The following DOCK3 variants were observed in gnomAD, a reference collection of about 807,000 sequenced individuals.
The protein encoded by DOCK3 is dedicator of cytokinesis protein 3.
Under a neutral mutation model 265.6 loss-of-function variants are expected in DOCK3, and 60 were observed. The observed-to-expected ratio is 0.23, with a 90% CI of 0.18 to 0.28. The LOEUF (loss-of-function observed/expected upper bound fraction) is 0.28. Ranked by LOEUF, DOCK3 falls within the 10% of genes least tolerant of loss-of-function variation. DOCK3 has a pLI of 1.00. For synonymous variants in DOCK3, 881 were observed against 938.0 expected (o/e 0.94, Z 1.11); for missense variants, 1,981 against 2,594.3 (o/e 0.76, Z 5.14).
At chr3:51,027,583 T>C (rs538374006) in intron 5 of DOCK3, among the ~76,000 whole-genome samples, 1 of 152,294 alleles carries the variant, frequency 6.6e-6, no homozygotes, top group South Asian at 2.1e-4. Context: ...GCTGTTTTCT[T>C]AGGTCTAGTT....
At chr3:50,815,782 C>T (rs1043942443) in intron 2 of DOCK3, among the ~76,000 whole-genome samples, 5 of 152,180 alleles carry the variant, frequency 3.3e-5, no homozygotes, top group African/African-American at 1.2e-4. Context: ...GATTTACTTA[C>T]AGATCTCTTT....
At chr3:51,017,446 C>G (rs555424550) in intron 5 of DOCK3, among the ~76,000 whole-genome samples, 1 of 151,292 alleles carries the variant, frequency 6.6e-6, no homozygotes, top group African/African-American at 2.4e-5. Context: ...TAAGATGTAT[C>G]ATTGGGTTGT....
chr3:51,007,451 A>G (rs1319585110), intron 5 of DOCK3, among the ~76,000 whole-genome samples: 3 of 152,012 alleles, frequency 2.0e-5, no homozygotes, highest in Non-Finnish European at 4.4e-5. Context: ...CATATCCTTC[A>G]CCCACTTTTT....
In DOCK3 at chr3:50,980,139, G is replaced by A. The variant is rs563824327; in HGVS notation, c.315+46062G>A. Among the ~76,000 whole-genome samples the A allele has an allele frequency of 9.4e-4, 143 of 152,186 alleles. 1 individual carries two copies. Among genetic ancestry groups the A allele is most frequent in the African/African-American group, 3.0e-3 (123 of 41,514 alleles). Reference sequence around the variant, plus strand: ...ATTTTGAGATATGTTCCTTCAATGCGTAATTTGTTGAGGGTTTTTGTGATG... The same window carrying A: ...ATTTTGAGATATGTTCCTTCAATGCATAATTTGTTGAGGGTTTTTGTGATG... On this transcript the variant is annotated intron_variant, in intron 5 of 52. Coordinates refer to ENST00000266037, the MANE Select transcript of DOCK3 (RefSeq NM_004947.5).
At chr3:50,871,598 T>C (rs1028296368) in intron 3 of DOCK3, among the ~76,000 whole-genome samples, 2 of 152,174 alleles carry the variant, frequency 1.3e-5, no homozygotes, top group African/African-American at 4.8e-5. Context: ...TTATTTCTTT[T>C]AGTGAAGTTC....
chr3:50,808,952 C>T (rs2043582270), intron 2 of DOCK3, among the ~76,000 whole-genome samples: 1 of 152,174 alleles, frequency 6.6e-6, no homozygotes, highest in Non-Finnish European at 1.5e-5. Context: ...ATACTCCAAA[C>T]TCAATTCCAA....
chr3:51,202,752 T>C (rs56318328), intron 12 of DOCK3, among the ~76,000 whole-genome samples: 2,739 of 150,566 alleles, frequency 0.018, 97 homozygotes, highest in African/African-American at 0.065. Flanking sequence ...TGATGAACAT[T>C]GATGCAAAAA....
chr3:50,721,891 A>G (rs954308518), intron 1 of DOCK3, among the ~76,000 whole-genome samples: 11 of 151,988 alleles, frequency 7.2e-5, no homozygotes, highest in Non-Finnish European at 1.3e-4. Context: ...AATTCTTTCA[A>G]CTGAACTTTT....
intron 49 of DOCK3, among the ~76,000 whole-genome samples, chr3:51,373,772 C>A (rs1042436457): frequency 8.5e-5 from 13 of 152,244 alleles, no homozygotes; most frequent in Middle Eastern, 3.4e-3. Flanking sequence ...TTCCATGAAC[C>A]CTGAGTTCAC....
At chr3:50,715,741 T>G (rs776648189) in intron 1 of DOCK3, among the ~76,000 whole-genome samples, 10 of 151,980 alleles carry the variant, frequency 6.6e-5, no homozygotes, top group South Asian at 2.1e-4. Flanking sequence ...TTGAGGGATT[T>G]TTGAGAGATG....
At chr3:50,891,307 T>C (rs1393598753) in intron 4 of DOCK3, among the ~76,000 whole-genome samples, 1 of 152,128 alleles carries the variant, frequency 6.6e-6, no homozygotes, top group Non-Finnish European at 1.5e-5. Flanking sequence ...TTGTCTTGTA[T>C]GCCTTCCAAT....
chr3:50,996,657 G>A (rs569330787), intron 5 of DOCK3, among the ~76,000 whole-genome samples: 197 of 152,058 alleles, frequency 1.3e-3, no homozygotes, highest in Non-Finnish European at 2.5e-3. Flanking sequence ...TTCTTGGGGG[G>A]AAAACTGTGT....
chr3:50,698,517 G>GTTT lies in DOCK3; in HGVS notation c.37+23240_37+23242dup. On this transcript the variant is annotated intron_variant, in intron 1 of 52. Coordinates refer to ENST00000266037, the MANE Select transcript of DOCK3 (RefSeq NM_004947.5). ...GTTTCTCTGTGGATGTATGTTTTTG[G>GTTT]TTTTTTTTTTTTTTTTTTTTTTTTT... Among the ~76,000 whole-genome samples, 179 of 19,494 alleles carry GTTT rather than the reference G, an allele frequency of 9.2e-3. 35 individuals are homozygous for GTTT. The highest frequency in any genetic ancestry group is 0.023 in the African/African-American group (151 of 6,690). 12.8% of individuals were successfully genotyped at this position (19,494 alleles called of 152,430 possible).
chr3:50,893,623 C>A (rs1190331983), intron 4 of DOCK3, among the ~76,000 whole-genome samples: 1 of 151,880 alleles, frequency 6.6e-6, no homozygotes, highest in Non-Finnish European at 1.5e-5. Flanking sequence ...AATGGGACAC[C>A]ATCAAGCAAA....
At chr3:51,208,530 C>T (rs534924087) in intron 12 of DOCK3, among the ~76,000 whole-genome samples, 3 of 152,276 alleles carry the variant, frequency 2.0e-5, no homozygotes, top group African/African-American at 7.2e-5. Flanking sequence ...AGTGTTACTT[C>T]TGAGAGGAGG....
chr3:50,701,614 T>C (rs2036046031), intron 1 of DOCK3, among the ~76,000 whole-genome samples: 1 of 152,222 alleles, frequency 6.6e-6, no homozygotes, highest in Non-Finnish European at 1.5e-5. Context: ...TCTATTTTTG[T>C]TTTTGTTGCC....
chr3:50,740,065 A>G (rs553378069), intron 1 of DOCK3, among the ~76,000 whole-genome samples: 31 of 152,094 alleles, frequency 2.0e-4, no homozygotes, highest in African/African-American at 6.5e-4. Context: ...GCTCTCTGTC[A>G]CTGTATATTA....
At chr3:51,251,714 T>C (rs1371095230) in intron 22 of DOCK3, among the ~76,000 whole-genome samples, 1 of 151,632 alleles carries the variant, frequency 6.6e-6, no homozygotes, top group Non-Finnish European at 1.5e-5. Context: ...TTTTTGATGG[T>C]TTTTTCTTGT....
intron 27 of DOCK3, among the ~76,000 whole-genome samples, chr3:51,295,770 AT>A (rs773059467): frequency 5.3e-5 from 8 of 151,790 alleles, no homozygotes; most frequent in Non-Finnish European, 1.0e-4. Flanking sequence ...AGCTGGGGCA[AT>A]AAGGCGTTGG....
Sources: allele counts gnomAD v4.1 joint callset (sites outside exome capture counted in the v4.1 genomes callset), GRCh38; gene constraint gnomAD v4.1.1; transcripts MANE v1.5; gene names NCBI Gene and HGNC (gene_info 2026-07-23, HGNC 2026-07-21).